The following RASSF3 variants were observed in gnomAD, a reference collection of about 807,000 sequenced individuals.
The protein encoded by RASSF3 is ras association domain-containing protein 3.
In RASSF3, 19 loss-of-function variants were observed where a neutral mutation model predicts 19.9. That is an observed-to-expected ratio of 0.96 (90% CI 0.67 to 1.40). The LOEUF (loss-of-function observed/expected upper bound fraction) is 1.40, where lower values mean the gene tolerates loss of function less well. Among genes scored for constraint, RASSF3 ranks in the 40% most tolerant of loss-of-function variants. RASSF3 has a pLI of 0.00. For missense variants in RASSF3, 306 were observed against 289.8 expected, an observed-to-expected ratio of 1.06 and a Z score of -0.41; for synonymous variants, 110 against 104.2, an observed-to-expected ratio of 1.06 and a Z score of -0.34.
At chr12:64,543,708 C>T (rs1868997523), downstream of RASSF3, among the ~76,000 whole-genome samples, 1 of 151,398 alleles carries the variant, frequency 6.6e-6, no homozygotes, top group East Asian at 2.0e-4. Context: ...GTGAAGCCTG[C>T]TGGGCTCCTG....
chr12:64,616,461 C>T (rs978425304), intron 1 of RASSF3, among the ~76,000 whole-genome samples: 6 of 152,176 alleles, frequency 3.9e-5, no homozygotes, highest in African/African-American at 1.4e-4. Flanking sequence ...AACTCTTAGC[C>T]CTGGGCATTA....
intron 1 of RASSF3, among the ~76,000 whole-genome samples, chr12:64,652,951 G>T (rs1183996849): frequency 6.6e-6 from 1 of 152,150 alleles, no homozygotes; most frequent in African/African-American, 2.4e-5. Flanking sequence ...TGGCAGGGTG[G>T]CTTCCTTCTG....
intron 1 of RASSF3, among the ~76,000 whole-genome samples, chr12:64,519,003 T>C (rs1263298413): frequency 6.6e-6 from 1 of 152,226 alleles, no homozygotes; most frequent in African/African-American, 2.4e-5. Context: ...TTACTTTTAT[T>C]CTATGACTAG....
chr12:64,610,289 C>G (rs1235520561), upstream of RASSF3, among the ~76,000 whole-genome samples: 1 of 151,740 alleles, frequency 6.6e-6, no homozygotes, highest in Admixed American at 6.6e-5. Flanking sequence ...TTCCGCGACG[C>G]TGTCGGGAGA....
chr12:64,543,448 G>GCCCCCCCGCTC (rs1868985393), downstream of RASSF3, among the ~76,000 whole-genome samples: 1 of 6,350 alleles, frequency 1.6e-4, no homozygotes, highest in Non-Finnish European at 4.0e-4. Context: ...CCCCGTGCCC[G>GCCCCCCCGCTC]CCCGCCCCCC....
At chr12:64,627,690 G>A (rs1028274762) in intron 1 of RASSF3, among the ~76,000 whole-genome samples, 1 of 152,174 alleles carries the variant, frequency 6.6e-6, no homozygotes, top group African/African-American at 2.4e-5. Flanking sequence ...TTCAGAGGGA[G>A]TAATAATAAA....
At chr12:64,549,336 A>C (rs756792063) in intron 2 of RASSF3, among the ~76,000 whole-genome samples, 9 of 152,160 alleles carry the variant, frequency 5.9e-5, no homozygotes, top group Non-Finnish European at 1.3e-4. Context: ...CTATCTCTAA[A>C]AAGAATTTTT....
intron 2 of RASSF3, among the ~76,000 whole-genome samples, chr12:64,585,005 C>A (rs998940828): frequency 6.6e-6 from 1 of 150,656 alleles, no homozygotes; most frequent in Non-Finnish European, 1.5e-5. Flanking sequence ...CCTGCCTCAG[C>A]CTCCTGAGTA....
At chr12:64,559,570 C>T (rs1869314991) in intron 2 of RASSF3, among the ~76,000 whole-genome samples, 1 of 152,052 alleles carries the variant, frequency 6.6e-6, no homozygotes, top group African/African-American at 2.4e-5. Context: ...CGCCTGGCCC[C>T]TTGTGGGTCC....
intron 1 of RASSF3, among the ~76,000 whole-genome samples, chr12:64,623,087 C>G (rs1158106044): frequency 1.3e-5 from 2 of 152,056 alleles, no homozygotes; most frequent in East Asian, 3.9e-4. Context: ...TCCCTGAGTG[C>G]TGAGATTATA....
chr12:64,509,585 A>G (rs1475343819), intron 1 of RASSF3, among the ~76,000 whole-genome samples: 3 of 152,164 alleles, frequency 2.0e-5, no homozygotes, highest in African/African-American at 7.2e-5. Context: ...TTATCACACC[A>G]CAGAGCAATG....
intron 2 of RASSF3, among the ~76,000 whole-genome samples, chr12:64,602,566 C>T (rs543625394): frequency 3.4e-5 from 5 of 146,866 alleles, no homozygotes; most frequent in East Asian, 4.0e-4. Context: ...GGTGCCAGAG[C>T]GAGACTCCAT....
chr12:64,684,259 T>A (rs1312098847), intron 1 of RASSF3, among the ~76,000 whole-genome samples: 5 of 150,916 alleles, frequency 3.3e-5, no homozygotes, highest in Non-Finnish European at 7.4e-5. Flanking sequence ...CTAATTTTTG[T>A]ATTTTTTGTA....
chr12:64,599,290 T>C (rs1014213734), intron 2 of RASSF3: 5 of 152,046 alleles, frequency 3.3e-5, no homozygotes, highest in Non-Finnish European at 7.4e-5. Context: ...GTTCAGGATC[T>C]CCCTACCTGT....
chr12:64,532,580 T>C (rs1006676856), upstream of RASSF3, among the ~76,000 whole-genome samples: 1 of 151,774 alleles, frequency 6.6e-6, no homozygotes, highest in Non-Finnish European at 1.5e-5. Flanking sequence ...TCCAGCACTA[T>C]GGGAGGCCGA....
At chr12:64,676,166 ATTT>A (rs35376691) in intron 1 of RASSF3, among the ~76,000 whole-genome samples, 24 of 106,396 alleles carry the variant, frequency 2.3e-4, no homozygotes, top group African/African-American at 6.0e-4. Flanking sequence ...CAGGAGTAGA[ATTT>A]TTTTTTTTTT....
chr12:64,692,355 C>T (rs955353175), intron 4 of RASSF3, among the ~76,000 whole-genome samples: 3 of 152,146 alleles, frequency 2.0e-5, no homozygotes, highest in African/African-American at 7.2e-5. Context: ...AGTAGCATGA[C>T]CTTGGATAAG....
chr12:64,669,051 A>G (rs915039093), intron 1 of RASSF3, among the ~76,000 whole-genome samples: 1 of 151,944 alleles, frequency 6.6e-6, no homozygotes, highest in Non-Finnish European at 1.5e-5. Flanking sequence ...TATTACACAA[A>G]CCCTAGAAAA....
chr12:64,568,650 G>C (rs535767761), intron 2 of RASSF3, among the ~76,000 whole-genome samples: 1 of 152,096 alleles, frequency 6.6e-6, no homozygotes. Context: ...AATTTCCAGA[G>C]GTATCTTCTT....
Sources: gnomAD v4.1 joint callset for allele counts (sites outside exome capture counted in the v4.1 genomes callset) on GRCh38, gnomAD v4.1.1 for gene constraint, MANE v1.5 for transcripts, NCBI Gene and HGNC (gene_info 2026-07-23, HGNC 2026-07-21) for gene names.